The following CSF1 variants were observed in gnomAD, a reference collection of about 807,000 sequenced individuals.
The protein encoded by CSF1 is macrophage colony-stimulating factor 1.
A neutral mutation model predicts 48.9 loss-of-function variants in CSF1; 9 were observed. The observed-to-expected ratio is 0.18, with a 90% CI of 0.11 to 0.32. The LOEUF (loss-of-function observed/expected upper bound fraction) is 0.32, where lower values mean the gene tolerates loss of function less well. Among genes scored for constraint, CSF1 ranks in the 10% least tolerant of loss-of-function variants. The pLI, the probability that CSF1 is intolerant of heterozygous loss-of-function variation, is 1.00. For synonymous variants in CSF1, 305 were observed against 284.1 expected (o/e 1.07, Z -0.74); for missense variants, 672 against 697.9 (o/e 0.96, Z 0.42).
At chr1:109,916,556 GC>G (rs1338979336) in intron 3 of CSF1, among the ~76,000 whole-genome samples, 1 of 151,956 alleles carries the variant, frequency 6.6e-6, no homozygotes, top group Non-Finnish European at 1.5e-5. Context: ...CTTTCCACCT[GC>G]CCCCCAATCA....
chr1:109,917,800 G>A (rs892826409), intron 4 of CSF1, among the ~76,000 whole-genome samples: 13 of 152,208 alleles, frequency 8.5e-5, no homozygotes, highest in African/African-American at 2.7e-4. Context: ...GTTATTGTGT[G>A]TCTGTTGTGT....
In CSF1 at chr1:109,923,379, C is replaced by T. The variant is rs1309020261; in HGVS notation, c.758C>T (p.Pro253Leu). 1.9e-6 allele frequency: 3 copies of T among 1,613,298 alleles called. No individual in the cohort carries two copies. Among genetic ancestry groups the T allele is most frequent in the Non-Finnish European group, 2.5e-6 (3 of 1,179,724 alleles). The stretch of plus-strand genomic sequence containing the variant: ...GATCCAGGCAGTGCCAAGCAGCGGC[C>T]ACCCAGGAGCACCTGCCAGAGCTTT... Reference protein sequence around the residue: ...TVDPGSAKQRPPRSTCQSFEP... With the variant: ...TVDPGSAKQRLPRSTCQSFEP... Residue 253 changes from proline to leucine, a missense_variant, in exon 6 of 9, where the codon CCA becomes CTA. By Grantham distance (98) the Pro-to-Leu change is moderately conservative. Transcript: ENST00000329608.
At chr1:109,911,209 C>A in intron 1 of CSF1, 147 bp downstream of exon 1, 6 of 399,054 alleles carry the variant, frequency 1.5e-5, no homozygotes, top group Non-Finnish European at 2.1e-5. Flanking sequence ...ACCGCCTTTG[C>A]GCACGGACTG....
intron 8 of CSF1, among the ~76,000 whole-genome samples, chr1:109,927,669 G>A (rs1647901693): frequency 6.6e-6 from 1 of 152,192 alleles, no homozygotes; most frequent in African/African-American, 2.4e-5. Flanking sequence ...GATCCCACTT[G>A]GCCCGGCAGG....
Position 109,924,261 on chromosome 1 carries a change from T to G in CSF1, c.1569+71T>G, listed in dbSNP as rs1453322636. 2.2e-6 allele frequency: 3 copies of G among 1,383,742 alleles called. No homozygotes were observed. The Admixed American group carries it at 7.3e-5, about 34-fold the overall frequency. 85.7% of individuals were successfully genotyped at this position (1,383,742 alleles called of 1,614,324 possible). A position where few individuals can be genotyped will look rare whatever the true frequency, so the allele number is the denominator to read the frequency against. ...GGGCAGAGCCTGGCGGGGGTGCAGG[T>G]GGGGGGACAGCTTGGGTGCGGCCTG... On this transcript the variant is annotated intron_variant, in intron 6 of 8. Transcript: ENST00000329608.
At chr1:109,915,087 G>A (rs1028558095) in intron 2 of CSF1, among the ~76,000 whole-genome samples, 2 of 152,054 alleles carry the variant, frequency 1.3e-5, no homozygotes, top group African/African-American at 2.4e-5. Context: ...CTGAGCTTGG[G>A]GCCTGTGGGC....
At chr1:109,924,368 G>A (rs921879021) in intron 6 of CSF1, among the ~76,000 whole-genome samples, 178 bp downstream of exon 6, 2 of 152,172 alleles carry the variant, frequency 1.3e-5, no homozygotes, top group African/African-American at 4.8e-5. Context: ...CGAGAATTGG[G>A]AAGGTTCAAG....
Position 109,923,363 on chromosome 1 carries a change from A to G in CSF1, c.742A>G (p.Ser248Gly). The change falls in exon 6 of 9, where the codon AGT becomes GGT. Residue 248 changes from serine (S) to glycine (G), a missense_variant. Physicochemically the swap from Ser to Gly is moderately conservative, Grantham distance 56 (BLOSUM62 0). Coordinates refer to ENST00000329608, the MANE Select transcript of CSF1 (RefSeq NM_000757.6). Reference sequence around the variant, plus strand: ...GCCCCTGCACACAGTGGATCCAGGCAGTGCCAAGCAGCGGCCACCCAGGAG... The same window carrying G: ...GCCCCTGCACACAGTGGATCCAGGCGGTGCCAAGCAGCGGCCACCCAGGAG... Reference protein sequence around the residue: ...EQPLHTVDPGSAKQRPPRSTC... With the variant: ...EQPLHTVDPGGAKQRPPRSTC... 6.2e-7 allele frequency: 1 copy of G among 1,612,878 alleles called. No homozygotes were observed. Among genetic ancestry groups the G allele is most frequent in the East Asian group, 2.2e-5 (1 of 44,860 alleles).
chr1:109,923,155 G>A lies in CSF1; in HGVS notation c.545-11G>A, dbSNP rs1570799025. On this transcript the variant is annotated splice_polypyrimidine_tract_variant and intron_variant, in intron 5 of 8. Coordinates refer to ENST00000329608, the MANE Select transcript of CSF1 (RefSeq NM_000757.6). ...CATCTTTCTCTCTCCTTCTCTCTGT[G>A]GTTCTTTCAGATGTGGTGACCAAGC... The A allele has an allele frequency of 6.0e-6, 9 of 1,509,392 alleles. No homozygotes were observed. Among genetic ancestry groups the A allele is most frequent in the Non-Finnish European group, 8.0e-6 (9 of 1,128,284 alleles). 93.5% of individuals were successfully genotyped at this position (1,509,392 alleles called of 1,614,324 possible).
chr1:109,919,603 G>A (rs962186169), intron 4 of CSF1, among the ~76,000 whole-genome samples: 1 of 152,190 alleles, frequency 6.6e-6, no homozygotes, highest in Admixed American at 6.5e-5. Flanking sequence ...ATCACTTGGG[G>A]AATGTGTTGA....
chr1:109,923,028 C>T, intron 5 of CSF1, 138 bp from the exon 6 acceptor site: 1 of 788,306 alleles, frequency 1.3e-6, no homozygotes, highest in Non-Finnish European at 2.0e-6. Flanking sequence ...CTCTTCTCAG[C>T]CCCAGGGCTG....
At chr1:109,915,902 C>T (rs1250559465) in intron 3 of CSF1, among the ~76,000 whole-genome samples, 3 of 152,210 alleles carry the variant, frequency 2.0e-5, no homozygotes, top group South Asian at 2.1e-4. Context: ...ACATAACAAG[C>T]GCTCACTAGG....
intron 8 of CSF1, chr1:109,926,730 A>G (rs1647859527): frequency 6.6e-6 from 1 of 152,072 alleles, no homozygotes; most frequent in Non-Finnish European, 1.5e-5. Flanking sequence ...CTAATAGTAT[A>G]TCAATTTGCA....
At position 109,910,937 on chromosome 1, in the gene CSF1, C is replaced by A; in HGVS notation, c.-87C>A. On this transcript the variant is annotated 5_prime_UTR_variant, in exon 1 of 9. Transcript: ENST00000329608. Reference sequence around the variant, plus strand: ...CATCCCAGGACAGCGGTGCGGCCCTCGGCCGGGGCGCCCACTCCGCAGCAG... The same window carrying A: ...CATCCCAGGACAGCGGTGCGGCCCTAGGCCGGGGCGCCCACTCCGCAGCAG... 1.0e-6 allele frequency: 1 copy of A among 971,260 alleles called. No homozygotes were observed. Among genetic ancestry groups the A allele is most frequent in the Non-Finnish European group, 1.3e-6 (1 of 796,546 alleles). The allele number at this position is 971,260 out of a possible 1,614,324, so 60.2% of individuals were successfully genotyped here.
At chr1:109,911,185 C>G (rs114073070) in intron 1 of CSF1, 123 bp downstream of exon 1, 39,487 of 603,806 alleles carry the variant, frequency 0.065, 3,903 homozygotes, top group African/African-American at 0.35. Context: ...GCCCGGCGTT[C>G]CCGCCGCGGA....
intron 4 of CSF1, 66 bp downstream of exon 4, chr1:109,917,529 T>A: frequency 4.0e-6 from 6 of 1,503,714 alleles, no homozygotes; most frequent in Non-Finnish European, 5.5e-6. Context: ...CGCCGCTCTA[T>A]CCACAGGCAC....
At chr1:109,926,024 C>T (rs1425788504) in intron 8 of CSF1, 1 of 152,196 alleles carries the variant, frequency 6.6e-6, no homozygotes, top group African/African-American at 2.4e-5. Flanking sequence ...TAAGTATGGC[C>T]AAGTCCCTCA....
intron 4 of CSF1, among the ~76,000 whole-genome samples, chr1:109,918,593 G>A (rs551870983): frequency 2.0e-5 from 3 of 152,270 alleles, no homozygotes; most frequent in Non-Finnish European, 2.9e-5. Context: ...GACTTGGTAC[G>A]TGCAGTGGAT....
At chr1:109,918,668 T>C (rs1282506885) in intron 4 of CSF1, among the ~76,000 whole-genome samples, 1 of 152,084 alleles carries the variant, frequency 6.6e-6, no homozygotes, top group African/African-American at 2.4e-5. Flanking sequence ...GATATTCCAA[T>C]GATGCTGAAA....
Sources: allele counts gnomAD v4.1 joint callset (sites outside exome capture counted in the v4.1 genomes callset), GRCh38; gene constraint gnomAD v4.1.1; transcripts MANE v1.5; gene names NCBI Gene and HGNC (gene_info 2026-07-23, HGNC 2026-07-21).